ERC2: variants seen among roughly 807,000 people sequenced by gnomAD.
ERC2 encodes the protein ELKS/RAB6-interacting/CAST family member 2.
ERC2 carries 42 observed loss-of-function variants against 114.8 expected under a neutral mutation model. That is an observed-to-expected ratio of 0.37 (90% CI 0.29 to 0.47). ERC2 has a LOEUF of 0.47. Among genes scored for constraint, ERC2 ranks in the 20% least tolerant of loss-of-function variants. The pLI is 0.99. For missense variants in ERC2, 939 were observed against 1,150.7 expected (o/e 0.82, Z 2.66); for synonymous variants, 454 against 425.5 (o/e 1.07, Z -0.82).
chr3:55,845,417 T>C (rs1042655619), intron 14 of ERC2, among the ~76,000 whole-genome samples: 9 of 141,538 alleles, frequency 6.4e-5, no homozygotes, highest in African/African-American at 2.4e-4. Context: ...GGCAGGAGAA[T>C]GCCGTGAACC....
At chr3:56,373,406 T>C (rs2059424661) in intron 2 of ERC2, among the ~76,000 whole-genome samples, 1 of 152,232 alleles carries the variant, frequency 6.6e-6, no homozygotes, top group African/African-American at 2.4e-5. Context: ...TGAAAGTCAG[T>C]TGTCTATTCA....
chr3:55,871,096 C>T (rs1275612122), intron 14 of ERC2, among the ~76,000 whole-genome samples: 1 of 152,166 alleles, frequency 6.6e-6, no homozygotes, highest in Non-Finnish European at 1.5e-5. Flanking sequence ...ATATGGAAAC[C>T]ACCCCACTGA....
intron 2 of ERC2, among the ~76,000 whole-genome samples, chr3:56,364,016 T>C (rs2059061721): frequency 6.6e-6 from 1 of 152,236 alleles, no homozygotes; most frequent in Non-Finnish European, 1.5e-5. Context: ...TTTATAAAAC[T>C]CAGTCCAGCT....
At chr3:56,197,818 T>A (rs2048191125) in intron 3 of ERC2, among the ~76,000 whole-genome samples, 1 of 152,252 alleles carries the variant, frequency 6.6e-6, no homozygotes, top group Non-Finnish European at 1.5e-5. Flanking sequence ...AGCAAAAGGA[T>A]AAACTAGATA....
At chr3:55,525,723 T>C (rs1256104579) in intron 17 of ERC2, among the ~76,000 whole-genome samples, 1 of 152,150 alleles carries the variant, frequency 6.6e-6, no homozygotes. Context: ...ACTTTATGGC[T>C]ACATTAAGGA....
chr3:56,432,361 T>C (rs1455387587), intron 2 of ERC2, among the ~76,000 whole-genome samples: 1 of 152,080 alleles, frequency 6.6e-6, no homozygotes, highest in Non-Finnish European at 1.5e-5. Context: ...GCTTTAACCA[T>C]TTTCCAAAAA....
chr3:55,659,796 C>G (rs1004059663), intron 17 of ERC2, among the ~76,000 whole-genome samples: 12 of 152,026 alleles, frequency 7.9e-5, no homozygotes, highest in South Asian at 2.1e-4. Flanking sequence ...ATGACATCCC[C>G]TGGGGCTGGG....
intron 17 of ERC2, among the ~76,000 whole-genome samples, chr3:55,539,860 A>T (rs1453360235): frequency 6.6e-6 from 1 of 152,096 alleles, no homozygotes; most frequent in African/African-American, 2.4e-5. Context: ...AGTAATGTTT[A>T]TTAAAATAAT....
intron 7 of ERC2, among the ~76,000 whole-genome samples, chr3:56,035,154 C>T (rs1170457415): frequency 6.6e-6 from 1 of 151,874 alleles, no homozygotes; most frequent in African/African-American, 2.4e-5. Flanking sequence ...ACTGACACCA[C>T]AGAAATACAA....
At chr3:56,139,778 A>G in intron 5 of ERC2, 102 bp from the exon 6 acceptor site, 1 of 1,298,092 alleles carries the variant, frequency 7.7e-7, no homozygotes, top group East Asian at 2.5e-5. Flanking sequence ...CCAGTGATCA[A>G]TAATCCAACA....
At chr3:55,856,206 G>A (rs1406809664) in intron 14 of ERC2, among the ~76,000 whole-genome samples, 1 of 152,194 alleles carries the variant, frequency 6.6e-6, no homozygotes, top group Non-Finnish European at 1.5e-5. Context: ...TTAGACATTA[G>A]CCAGGCAGCA....
intron 15 of ERC2, among the ~76,000 whole-genome samples, chr3:55,727,985 A>G (rs1400065771): frequency 6.6e-6 from 1 of 152,170 alleles, no homozygotes; most frequent in African/African-American, 2.4e-5. Flanking sequence ...ATCAAGCCCT[A>G]CAGACTGGTG....
intron 14 of ERC2, among the ~76,000 whole-genome samples, chr3:55,831,811 A>G (rs564236404): frequency 6.6e-6 from 1 of 152,212 alleles, no homozygotes; most frequent in African/African-American, 2.4e-5. Context: ...GCATTGCCTC[A>G]CTCGGGAAGT....
intron 7 of ERC2, among the ~76,000 whole-genome samples, chr3:56,073,420 A>G (rs1242523405): frequency 6.6e-6 from 1 of 152,290 alleles, no homozygotes; most frequent in Admixed American, 6.5e-5. Context: ...CCTCCCAGCT[A>G]TAGCAACCAA....
At chr3:56,010,716 A>G in intron 8 of ERC2, 127 bp from the exon 9 acceptor site, 2 of 1,120,120 alleles carry the variant, frequency 1.8e-6, no homozygotes, top group Non-Finnish European at 2.5e-6. Context: ...CACACAAGAA[A>G]ATCAAAATTG....
chr3:55,689,232 T>C (rs963616141), intron 16 of ERC2, among the ~76,000 whole-genome samples: 2 of 139,306 alleles, frequency 1.4e-5, no homozygotes. Context: ...CCACTTCTAA[T>C]ATAACATCTT....
At chr3:56,278,284 T>TC (rs2150314625) in intron 3 of ERC2, among the ~76,000 whole-genome samples, 1 of 152,332 alleles carries the variant, frequency 6.6e-6, no homozygotes, top group African/African-American at 2.4e-5. Context: ...GAGAGGGACA[T>TC]CACATTGTTT....
intron 4 of ERC2, among the ~76,000 whole-genome samples, chr3:56,162,197 A>C (rs562661975): frequency 9.9e-5 from 15 of 152,116 alleles, no homozygotes; most frequent in Non-Finnish European, 1.6e-4. Context: ...ATTGATTTGC[A>C]TATATTGAAC....
chr3:55,532,566 C>T (rs368325545), intron 17 of ERC2, among the ~76,000 whole-genome samples: 8 of 152,166 alleles, frequency 5.3e-5, no homozygotes, highest in African/African-American at 1.7e-4. Flanking sequence ...CATATATTAA[C>T]GCACTCAATT....
Sources: gnomAD v4.1 joint callset for allele counts (sites outside exome capture counted in the v4.1 genomes callset) on GRCh38, gnomAD v4.1.1 for gene constraint, MANE v1.5 for transcripts, NCBI Gene and HGNC (gene_info 2026-07-23, HGNC 2026-07-21) for gene names.